Variants in SEPSECS observed in about 807,000 individuals in gnomAD.
SEPSECS encodes the protein O-phosphoseryl-tRNA(Sec) selenium transferase.
A neutral mutation model predicts 52.1 loss-of-function variants in SEPSECS; 42 were observed. The ratio of observed to expected loss-of-function variants is 0.81; its 90% CI spans 0.63 to 1.04. The LOEUF (loss-of-function observed/expected upper bound fraction) is 1.04. Among genes scored for constraint, SEPSECS ranks in the 50% least tolerant of loss-of-function variants. SEPSECS has a pLI of 0.00. For synonymous variants in SEPSECS, 216 were observed against 211.4 expected, an observed-to-expected ratio of 1.02 and a Z score of -0.19; for missense variants, 590 against 610.6, an observed-to-expected ratio of 0.97 and a Z score of 0.36.
chr4:25,160,125 C>A, intron 1 of SEPSECS, 131 bp downstream of exon 1: 1 of 1,474,380 alleles, frequency 6.8e-7, no homozygotes, highest in Non-Finnish European at 9.0e-7. Context: ...TAGGGCAAGC[C>A]AAGCTGAGAC....
At chr4:25,125,806 T>G in intron 9 of SEPSECS, 22 bp from the exon 10 acceptor site, 1 of 1,497,570 alleles carries the variant, frequency 6.7e-7, no homozygotes, top group Middle Eastern at 1.7e-4. Context: ...AAAAGTATCC[T>G]AATAAGCCTT....
chr4:25,159,108 C>T lies in SEPSECS; in HGVS notation c.115-1G>A, dbSNP rs1204867394. ...CCCAGCCATTCTCTGGACACTTGCC[C>T]TTAAAAAAAAAAAAAAACTTATGAT... On this transcript the variant is annotated splice_acceptor_variant, in intron 1 of 10. Coordinates refer to ENST00000382103, the MANE Select transcript of SEPSECS (RefSeq NM_016955.4). LOFTEE classifies it high-confidence loss of function. The T allele has an allele frequency of 6.5e-7, 1 of 1,534,188 alleles. No individual in the cohort carries two copies. Among genetic ancestry groups the T allele is most frequent in the Admixed American group, 2.1e-5 (1 of 48,498 alleles).
At chr4:25,160,007 G>C (rs902672575) in intron 1 of SEPSECS, 6 of 985,270 alleles carry the variant, frequency 6.1e-6, no homozygotes, top group South Asian at 4.7e-5. Context: ...CCCGAAGTTA[G>C]AAACAGCGGG....
At chr4:25,133,277 C>T (rs1321924473) in intron 8 of SEPSECS, among the ~76,000 whole-genome samples, 3 of 152,124 alleles carry the variant, frequency 2.0e-5, no homozygotes, top group East Asian at 3.9e-4. Context: ...AGGAAAAGAA[C>T]AAAGTTCTGA....
chr4:25,128,796 G>A (rs144248367), intron 8 of SEPSECS, among the ~76,000 whole-genome samples: 41 of 151,988 alleles, frequency 2.7e-4, no homozygotes, highest in African/African-American at 8.9e-4. Flanking sequence ...GGCTAACAGA[G>A]TACCCAAGCA....
chr4:25,133,835 C>T (rs1484656583), intron 8 of SEPSECS, among the ~76,000 whole-genome samples: 3 of 151,538 alleles, frequency 2.0e-5, no homozygotes, highest in Non-Finnish European at 4.4e-5. Flanking sequence ...AAAAAAAAGG[C>T]TTGGTGCAGT....
chr4:25,132,229 C>A (rs1181307689), intron 8 of SEPSECS, among the ~76,000 whole-genome samples: 2 of 152,132 alleles, frequency 1.3e-5, no homozygotes, highest in African/African-American at 4.8e-5. Context: ...GAAATAACCT[C>A]TAAAAATATC....
intron 8 of SEPSECS, among the ~76,000 whole-genome samples, chr4:25,141,907 T>C (rs141512774): frequency 6.6e-6 from 1 of 152,330 alleles, no homozygotes; most frequent in East Asian, 1.9e-4. Context: ...CCTAGAGTCC[T>C]GATACTGGCT....
At chr4:25,138,391 A>G (rs1444451256) in intron 8 of SEPSECS, among the ~76,000 whole-genome samples, 1 of 152,022 alleles carries the variant, frequency 6.6e-6, no homozygotes, top group African/African-American at 2.4e-5. Context: ...AGGCCAAGGC[A>G]GGAGAATGGC....
chr4:25,145,746 T>C (rs73094673), intron 6 of SEPSECS, among the ~76,000 whole-genome samples: 2,712 of 152,348 alleles, frequency 0.018, 45 homozygotes, highest in African/African-American at 0.044. Flanking sequence ...TAATGGACTA[T>C]AGCCATCCGA....
chr4:25,150,422 A>G (rs1227917886), intron 6 of SEPSECS, among the ~76,000 whole-genome samples: 1 of 152,248 alleles, frequency 6.6e-6, no homozygotes, highest in African/African-American at 2.4e-5. Flanking sequence ...TACTGAGGGC[A>G]CAGCAGTGAA....
intron 2 of SEPSECS, among the ~76,000 whole-genome samples, chr4:25,158,577 CAA>C (rs201141068): frequency 9.3e-5 from 12 of 128,428 alleles, no homozygotes; most frequent in Non-Finnish European, 1.7e-4. Flanking sequence ...ATAAATCATT[CAA>C]AAAAAAAAAA....
rs751204315 is a variant in SEPSECS, at chr4:25,156,053, T to C, written c.531A>G (p.Lys177=). 6.8e-6 allele frequency: 11 copies of C among 1,613,904 alleles called. No individual in the cohort carries two copies. The South Asian group carries it at 1.2e-4, about 18-fold the overall frequency. The part of the protein sequence containing the change: ...WPRIDQKSCF[K]SMITAGFEPV... ...TTCTCTTACCTGCAGTGATCATGGA[T>C]TTAAAGCAGGACTTCTGGTCTATTC... The change falls in exon 4 of 11, where the codon AAA becomes AAG. Residue 177 remains lysine, a synonymous_variant. Coordinates refer to ENST00000382103, the MANE Select transcript of SEPSECS (RefSeq NM_016955.4).
rs1728154130 is a variant in SEPSECS at position 25,122,181 on chromosome 4, AAAAT to A, written c.*1746_*1749del. 2 of 152,172 alleles carry A rather than the reference AAAAT, an allele frequency of 1.3e-5. No individual in the cohort carries two copies. Among genetic ancestry groups the A allele is most frequent in the South Asian group, 4.1e-4 (2 of 4,834 alleles). The allele number at this position is 152,172 out of a possible 1,614,324, so 9.4% of individuals were successfully genotyped here. ...TTTTTAATGTTTGAACCCCAAAGAT[AAAAT>A]AAATACATTTTTAAATAACCTTCAT... On this transcript the variant is annotated 3_prime_UTR_variant, in exon 11 of 11. Coordinates refer to ENST00000382103, the MANE Select transcript of SEPSECS (RefSeq NM_016955.4).
chr4:25,125,508 C>A, intron 10 of SEPSECS, 186 bp downstream of exon 10: 1 of 609,680 alleles, frequency 1.6e-6, no homozygotes, highest in Non-Finnish European at 2.9e-6. Flanking sequence ...CTATTTCAGG[C>A]ATAAGCAGTC....
In SEPSECS at chr4:25,123,587, G is replaced by A; in HGVS notation, c.*344C>T. 3.4e-6 allele frequency: 1 copy of A among 290,882 alleles called. No homozygotes were observed. Among genetic ancestry groups the A allele is most frequent in the South Asian group, 3.9e-5 (1 of 25,536 alleles). The allele number at this position is 290,882 out of a possible 1,614,324, so 18.0% of individuals were successfully genotyped here. ...TGTGTGATCAGAAACGGTAAAGAAT[G>A]GTTAGGAGGAAGCACTCTACATTTC... is the stretch of plus-strand genomic sequence containing the variant. On this transcript the variant is annotated 3_prime_UTR_variant, in exon 11 of 11. Coordinates refer to ENST00000382103, the MANE Select transcript of SEPSECS (RefSeq NM_016955.4).
Position 25,145,083 on chromosome 4 carries a change from A to ATTC in SEPSECS, c.854_855insGAA (p.Lys284dup), listed in dbSNP as rs773939179. The ATTC allele has an allele frequency of 6.2e-7, 1 of 1,613,950 alleles. No individual in the cohort carries two copies. ...TAGCACCACCTACTGGAACCATAAA[A>ATTC]TTTTTGTCCAAGCTCTGAACAAAAG... On this transcript the variant is annotated inframe_insertion, in exon 7 of 11. Transcript: ENST00000382103.
At chr4:25,154,187 A>C (rs1032130526) in intron 5 of SEPSECS, among the ~76,000 whole-genome samples, 1 of 152,170 alleles carries the variant, frequency 6.6e-6, no homozygotes, top group African/African-American at 2.4e-5. Flanking sequence ...AGCATAGTTA[A>C]AAAACTGTCT....
intron 2 of SEPSECS, 108 bp downstream of exon 2, chr4:25,158,845 G>A (rs1712856325): frequency 1.8e-6 from 2 of 1,107,622 alleles, no homozygotes; most frequent in Non-Finnish European, 2.7e-6. Context: ...GGGAAGAAGT[G>A]GTTTACAAAC....
Sources: gnomAD v4.1 joint callset for allele counts (sites outside exome capture counted in the v4.1 genomes callset) on GRCh38, gnomAD v4.1.1 for gene constraint, MANE v1.5 for transcripts, NCBI Gene and HGNC (gene_info 2026-07-23, HGNC 2026-07-21) for gene names.